Variants in ACLY observed in about 807,000 individuals in gnomAD.
The protein encoded by ACLY is ATP citrate lyase.
Under a neutral mutation model 133.0 loss-of-function variants are expected in ACLY, and 41 were observed. The ratio of observed to expected loss-of-function variants is 0.31; its 90% CI spans 0.24 to 0.40. ACLY has a LOEUF of 0.40. ACLY is among the 10% of genes least tolerant of loss of function. The pLI is 1.00. For missense variants in ACLY, 1,046 were observed against 1,453.8 expected, an observed-to-expected ratio of 0.72 and a Z score of 4.56; for synonymous variants, 495 against 549.3, an observed-to-expected ratio of 0.90 and a Z score of 1.38.
At chr17:41,897,690 G>T in intron 13 of ACLY, 59 bp downstream of exon 13, 1 of 1,493,250 alleles carries the variant, frequency 6.7e-7, no homozygotes, top group Non-Finnish European at 9.1e-7. Flanking sequence ...AGGGGAGAGA[G>T]ATACAGAGGG....
chr17:41,868,658 G>T, intron 28 of ACLY, 51 bp downstream of exon 28: 20 of 1,404,628 alleles, frequency 1.4e-5, no homozygotes, highest in Non-Finnish European at 1.9e-5. Flanking sequence ...TGGTGTAGCT[G>T]AACCGTGGGG....
intron 10 of ACLY, among the ~76,000 whole-genome samples, chr17:41,903,319 T>C (rs2049590746): frequency 6.6e-6 from 1 of 152,102 alleles, no homozygotes; most frequent in Non-Finnish European, 1.5e-5. Flanking sequence ...CACATGTGCT[T>C]TAAAGCATGT....
intron 13 of ACLY, among the ~76,000 whole-genome samples, chr17:41,897,149 G>A (rs1367799698): frequency 6.6e-6 from 1 of 152,214 alleles, no homozygotes; most frequent in Non-Finnish European, 1.5e-5. Flanking sequence ...GGAAGAGGCT[G>A]CACAGGTATA....
At chr17:41,880,848 A>G (rs1555627190) in intron 20 of ACLY, among the ~76,000 whole-genome samples, 1 of 151,270 alleles carries the variant, frequency 6.6e-6, no homozygotes, top group Non-Finnish European at 1.5e-5. Flanking sequence ...CCTGGGCGAC[A>G]GAGCGAGACT....
intron 14 of ACLY, among the ~76,000 whole-genome samples, chr17:41,896,293 C>T (rs2049363412): frequency 6.6e-6 from 1 of 152,156 alleles, no homozygotes; most frequent in South Asian, 2.1e-4. Flanking sequence ...CCTTCCCAGG[C>T]GACACTCTCT....
chr17:41,924,895 C>G (rs2050223959), intron 1 of ACLY, among the ~76,000 whole-genome samples: 1 of 152,132 alleles, frequency 6.6e-6, no homozygotes, highest in African/African-American at 2.4e-5. Flanking sequence ...CTGCCACTGC[C>G]TCCTCCCCAC....
At chr17:41,900,562 T>A (rs1464844664) in intron 11 of ACLY, among the ~76,000 whole-genome samples, 1 of 141,052 alleles carries the variant, frequency 7.1e-6, no homozygotes. Flanking sequence ...TCACAACAAA[T>A]TTTTTTTTTT....
At chr17:41,914,044 C>T (rs571778981) in intron 1 of ACLY, 148 bp from the exon 2 acceptor site, 74 of 733,322 alleles carry the variant, frequency 1.0e-4, no homozygotes, top group Non-Finnish European at 1.5e-4. Flanking sequence ...GCTGTCCCAG[C>T]GGGAGGGATG....
rs532823509 is a variant in ACLY, at chr17:41,869,442, G to T, written c.3051+32C>A. On this transcript the variant is annotated intron_variant, in intron 26 of 28. Coordinates refer to ENST00000352035, the MANE Select transcript of ACLY (RefSeq NM_001096.3). ...GTTTCCTCCAATAAACTTGTCCAAC[G>T]TGAGGGAATTAGGAAGTTTTTTCTT... The T allele has an allele frequency of 1.7e-5, 27 of 1,554,822 alleles. No homozygotes were observed. In the Admixed American group the frequency reaches 2.2e-4, roughly 13 times the overall value.
upstream of ACLY, chr17:41,919,168 C>A: frequency 2.2e-6 from 2 of 924,606 alleles, no homozygotes; most frequent in Non-Finnish European, 2.8e-6. Flanking sequence ...CCATCCACCG[C>A]CTCTTGGGAG....
chr17:41,911,402 C>G (rs1015035261), intron 3 of ACLY, among the ~76,000 whole-genome samples: 1 of 152,236 alleles, frequency 6.6e-6, no homozygotes, highest in African/African-American at 2.4e-5. Flanking sequence ...AGTCCTCCAG[C>G]TCCCCTGGGG....
intron 4 of ACLY, among the ~76,000 whole-genome samples, chr17:41,909,990 C>T (rs996882242): frequency 6.6e-6 from 1 of 152,194 alleles, no homozygotes; most frequent in Non-Finnish European, 1.5e-5. Context: ...CTCATCCCTG[C>T]ACTTGGAAGT....
In ACLY at chr17:41,901,655, C is replaced by T. The variant is rs782369035; in HGVS notation, c.1183+41G>A. The stretch of plus-strand genomic sequence containing the variant: ...AGAAATCCCAAAGAGGAAGGCCACC[C>T]ACACTCAGGGTGAGGGGGAGAGAAA... On this transcript the variant is annotated intron_variant, in intron 11 of 28. Coordinates refer to ENST00000352035, the MANE Select transcript of ACLY (RefSeq NM_001096.3). 1.9e-6 allele frequency: 3 copies of T among 1,549,974 alleles called. No individual in the cohort carries two copies. The South Asian group carries it at 3.4e-5, about 17-fold the overall frequency.
chr17:41,905,477 TC>T (rs781794174), intron 9 of ACLY, 44 bp downstream of exon 9: 1 of 1,613,328 alleles, frequency 6.2e-7, no homozygotes, highest in Non-Finnish European at 8.5e-7. Context: ...TGCTGGGCTG[TC>T]CTGGGGAAGT....
chr17:41,922,850 G>C (rs1015661602), upstream of ACLY, among the ~76,000 whole-genome samples: 1 of 152,152 alleles, frequency 6.6e-6, no homozygotes, highest in Non-Finnish European at 1.5e-5. Flanking sequence ...GCTGGCCAGA[G>C]GGCCCATGAG....
At chr17:41,896,838 G>A (rs2049382427) in intron 13 of ACLY, among the ~76,000 whole-genome samples, 189 bp from the exon 14 acceptor site, 1 of 152,220 alleles carries the variant, frequency 6.6e-6, no homozygotes, top group Non-Finnish European at 1.5e-5. Context: ...CCGATGAGCA[G>A]AATGGAAGCA....
At position 41,918,942 on chromosome 17, in the gene ACLY, G is replaced by A. The variant is rs1165075665; in HGVS notation, c.-86C>T. ...CCCGACGAACCCCGCAAAATCCGGA[G>A]CACCCCAGCAGCCGGTAGCTTCCCG... is the stretch of plus-strand genomic sequence containing the variant. On this transcript the variant is annotated 5_prime_UTR_variant, in exon 1 of 29. Transcript: ENST00000352035. 2.3e-6 allele frequency: 3 copies of A among 1,289,288 alleles called. No homozygotes were observed. The highest frequency in any genetic ancestry group is 2.1e-4 in the Middle Eastern group (1 of 4,696). 79.9% of individuals were successfully genotyped at this position (1,289,288 alleles called of 1,614,324 possible). A position where few individuals can be genotyped will look rare whatever the true frequency, so the allele number is the denominator to read the frequency against.
At chr17:41,916,523 G>A (rs71373469) in intron 1 of ACLY, among the ~76,000 whole-genome samples, 5,538 of 133,274 alleles carry the variant, frequency 0.042, 355 homozygotes, top group African/African-American at 0.14. Flanking sequence ...ACAGATGCAC[G>A]CCACCACGCC....
Position 41,907,580 on chromosome 17 carries a change from G to A in ACLY, c.617-8C>T, listed in dbSNP as rs1555632915. 1 of 1,611,770 alleles carries A rather than the reference G, an allele frequency of 6.2e-7. No homozygotes were observed. The highest frequency in any genetic ancestry group is 2.2e-5 in the East Asian group (1 of 44,800). ...CTCCATCTTTGGTCACTACTTCAAG[G>A]GGAGCAGAGGCAATCATCAGACACC... On this transcript the variant is annotated splice_region_variant and splice_polypyrimidine_tract_variant and intron_variant, in intron 6 of 28. Transcript: ENST00000352035.
Sources: allele counts gnomAD v4.1 joint callset (sites outside exome capture counted in the v4.1 genomes callset), GRCh38; gene constraint gnomAD v4.1.1; transcripts MANE v1.5; gene names NCBI Gene and HGNC (gene_info 2026-07-23, HGNC 2026-07-21).